The following NCAM1 variants were observed in gnomAD, a reference collection of about 807,000 sequenced individuals.
NCAM1 encodes the protein neural cell adhesion molecule 1.
In NCAM1, 14 loss-of-function variants were observed where a neutral mutation model predicts 109.8. That is an observed-to-expected ratio of 0.13 (90% confidence interval 0.08 to 0.20). The LOEUF is 0.20. Ranked by LOEUF, NCAM1 falls within the 10% of genes least tolerant of loss-of-function variation. NCAM1 has a pLI of 1.00. For missense variants in NCAM1, 774 were observed against 1,109.9 expected (o/e 0.70, Z 4.30); for synonymous variants, 418 against 442.9 (o/e 0.94, Z 0.70).
intron 1 of NCAM1, among the ~76,000 whole-genome samples, chr11:113,052,793 G>A (rs1398562254): frequency 2.0e-5 from 3 of 152,010 alleles, no homozygotes; most frequent in Non-Finnish European, 4.4e-5. Context: ...TCAACTCATC[G>A]CCTAGGTATT....
At chr11:113,194,165 T>C (rs966914880) in intron 1 of NCAM1, among the ~76,000 whole-genome samples, 13 of 152,190 alleles carry the variant, frequency 8.5e-5, no homozygotes, top group Admixed American at 3.9e-4. Context: ...GTTTCTGTTG[T>C]TTGGTTACTA....
At chr11:113,272,049 G>A (rs565637095) in intron 19 of NCAM1, among the ~76,000 whole-genome samples, 173 bp downstream of exon 19, 2 of 152,040 alleles carry the variant, frequency 1.3e-5, no homozygotes, top group South Asian at 4.2e-4. Flanking sequence ...CTGACCTCAG[G>A]CATTTCTGGT....
chr11:113,272,482 T>C lies in NCAM1; in HGVS notation c.2456+606T>C, dbSNP rs562112084. The stretch of plus-strand genomic sequence containing the variant: ...TCGTGATCTGCCTTATTCGTGACTT[T>C]TCCCATCGGTGCCCTGGGGAGCCCT... On this transcript the variant is annotated intron_variant, in intron 19 of 19. Transcript: ENST00000316851. 2.2e-4 allele frequency among the ~76,000 whole-genome samples: 34 copies of C among 152,254 alleles called. No homozygotes were observed. The South Asian group carries it at 5.6e-3, about 25-fold the overall frequency.
chr11:113,047,211 A>G (rs978806141), intron 1 of NCAM1, among the ~76,000 whole-genome samples: 49 of 152,118 alleles, frequency 3.2e-4, no homozygotes, highest in African/African-American at 1.2e-3. Flanking sequence ...AGTAAATCCT[A>G]TTTTCCCATT....
chr11:113,205,681 T>C lies in NCAM1; in HGVS notation c.490+15T>C. 5 of 1,610,618 alleles carry C rather than the reference T, an allele frequency of 3.1e-6. No homozygotes were observed. The highest frequency in any genetic ancestry group is 4.2e-6 in the Non-Finnish European group (5 of 1,178,364). ...GAAAAAAGATGGTGAGACCTGAATT[T>C]CCTGGCATCTGCCTTTTCCCCAGGC... On this transcript the variant is annotated intron_variant, in intron 4 of 19. Coordinates refer to ENST00000316851, the MANE Select transcript of NCAM1 (RefSeq NM_181351.5).
intron 1 of NCAM1, among the ~76,000 whole-genome samples, chr11:113,099,382 T>G (rs1488123976): frequency 2.6e-5 from 4 of 152,200 alleles, no homozygotes; most frequent in African/African-American, 9.6e-5. Flanking sequence ...AGGGTACCCA[T>G]GTTTGAATTT....
chr11:113,205,771 G>GC, intron 4 of NCAM1, 105 bp downstream of exon 4: 1 of 1,437,920 alleles, frequency 7.0e-7, no homozygotes, highest in Non-Finnish European at 9.4e-7. Context: ...ATTCATGTGT[G>GC]CCCGAACCCT....
At chr11:113,061,409 C>A (rs1937632274) in intron 1 of NCAM1, among the ~76,000 whole-genome samples, 1 of 152,128 alleles carries the variant, frequency 6.6e-6, no homozygotes, top group African/African-American at 2.4e-5. Flanking sequence ...GCCTCCCAGA[C>A]CTGTGTTTTA....
intron 18 of NCAM1, among the ~76,000 whole-genome samples, chr11:113,271,465 T>C (rs532841546): frequency 6.6e-6 from 1 of 151,674 alleles, no homozygotes; most frequent in East Asian, 1.9e-4. Flanking sequence ...TGAGCAATGA[T>C]CTGTGTCAGG....
chr11:113,225,937 A>G (rs1555116134), intron 9 of NCAM1, among the ~76,000 whole-genome samples: 2 of 152,120 alleles, frequency 1.3e-5, no homozygotes, highest in Admixed American at 6.5e-5. Context: ...AGGAAGCACT[A>G]AACATGGAAA....
chr11:113,030,125 C>A (rs562410217), intron 1 of NCAM1, among the ~76,000 whole-genome samples: 4 of 152,296 alleles, frequency 2.6e-5, no homozygotes, highest in Admixed American at 1.3e-4. Flanking sequence ...CTTTCTGCAT[C>A]TTCGTTTCTG....
At chr11:112,997,933 A>G (rs782017570) in intron 1 of NCAM1, among the ~76,000 whole-genome samples, 4 of 152,132 alleles carry the variant, frequency 2.6e-5, no homozygotes, top group African/African-American at 7.2e-5. Flanking sequence ...TTTTGCTTCG[A>G]TCCTTTCCAG....
chr11:113,269,586 G>A, intron 17 of NCAM1: 1 of 154,006 alleles, frequency 6.5e-6, no homozygotes, highest in East Asian at 1.9e-4. Context: ...TTCCTGGGGT[G>A]CAGTGAGGAG....
At chr11:113,193,416 C>A (rs1471428339) in intron 1 of NCAM1, among the ~76,000 whole-genome samples, 1 of 152,120 alleles carries the variant, frequency 6.6e-6, no homozygotes, top group African/African-American at 2.4e-5. Context: ...GAGGCCGAGG[C>A]GGTTGGATCA....
chr11:113,065,168 AG>A (rs1937891994), intron 1 of NCAM1, among the ~76,000 whole-genome samples: 2 of 152,254 alleles, frequency 1.3e-5, no homozygotes, highest in African/African-American at 4.8e-5. Context: ...CAATGTCCAA[AG>A]CTAAAACAAT....
At chr11:113,242,730 A>C in intron 14 of NCAM1, 1 of 1,281,676 alleles carries the variant, frequency 7.8e-7, no homozygotes, top group Non-Finnish European at 1.1e-6. Flanking sequence ...GTATACATAT[A>C]TAGCTATGAG....
chr11:113,099,261 G>A (rs1185744382), intron 1 of NCAM1, among the ~76,000 whole-genome samples: 1 of 152,126 alleles, frequency 6.6e-6, no homozygotes, highest in Non-Finnish European at 1.5e-5. Flanking sequence ...CATCAAGATG[G>A]GATAGATAAG....
chr11:113,170,168 C>T (rs1192309088), intron 1 of NCAM1, among the ~76,000 whole-genome samples: 1 of 152,290 alleles, frequency 6.6e-6, no homozygotes. Flanking sequence ...TAGGATTGTC[C>T]TTTCATGGAA....
chr11:113,227,733 C>A (rs546802009), intron 9 of NCAM1, among the ~76,000 whole-genome samples: 1 of 152,330 alleles, frequency 6.6e-6, no homozygotes, highest in Admixed American at 6.5e-5. Context: ...AGCTTATCCA[C>A]CATGATCAAG....
Sources: gnomAD v4.1 joint callset for allele counts (sites outside exome capture counted in the v4.1 genomes callset) on GRCh38, gnomAD v4.1.1 for gene constraint, MANE v1.5 for transcripts, NCBI Gene and HGNC (gene_info 2026-07-23, HGNC 2026-07-21) for gene names.